The following IL1RAPL2 variants were observed in gnomAD, a reference collection of about 807,000 sequenced individuals.
IL1RAPL2 encodes the protein interleukin 1 receptor accessory protein like 2, also known as X-linked interleukin-1 receptor accessory protein-like 2.
A neutral mutation model predicts 44.1 loss-of-function variants in IL1RAPL2; 3 were observed. That is an observed-to-expected ratio of 0.07 (90% CI 0.03 to 0.18). The LOEUF (loss-of-function observed/expected upper bound fraction) is 0.18, where lower values mean the gene tolerates loss of function less well. IL1RAPL2 is among the 10% of genes least tolerant of loss of function. The pLI is 1.00. For missense variants in IL1RAPL2, 391 were observed against 496.4 expected (o/e 0.79, Z 2.02); for synonymous variants, 181 against 178.8 (o/e 1.01, Z -0.10).
intron 2 of IL1RAPL2, among the ~76,000 whole-genome samples, chrX:104,842,401 A>G (rs1921932444): frequency 9.0e-6 from 1 of 110,613 alleles, no homozygotes; most frequent in Non-Finnish European, 1.9e-5. Context: ...CAATTCGTCA[A>G]TCTCATTCTC....
At chrX:105,649,396 A>T (rs1329653442) in intron 6 of IL1RAPL2, among the ~76,000 whole-genome samples, 3 of 111,877 alleles carry the variant, frequency 2.7e-5, no homozygotes, top group African/African-American at 9.8e-5. Context: ...AGATTACATG[A>T]TGTTCGCTAT....
Position 105,353,210 on chromosome X carries a change from T to C in IL1RAPL2, c.697+85669T>C, listed in dbSNP as rs540287612. On this transcript the variant is annotated intron_variant, in intron 5 of 10. Transcript: ENST00000372582. ...GGAATCCTTTCCCCATTTCTTGTTT[T>C]TGTCAGGTTTGTCAAAGATCAGATA... Among the ~76,000 whole-genome samples the C allele has an allele frequency of 4.5e-3, 505 of 111,733 alleles. 2 individuals carry two copies. The highest frequency in any genetic ancestry group is 0.028 in the South Asian group (74 of 2,639).
At chrX:105,202,591 C>A (rs2147615694) in intron 3 of IL1RAPL2, among the ~76,000 whole-genome samples, 1 of 111,864 alleles carries the variant, frequency 8.9e-6, no homozygotes, top group African/African-American at 3.2e-5. Flanking sequence ...TTTTCTATAC[C>A]TTACCTCCAA....
At chrX:105,040,857 G>T (rs1391110224) in intron 2 of IL1RAPL2, among the ~76,000 whole-genome samples, 1 of 102,609 alleles carries the variant, frequency 9.7e-6, no homozygotes, top group Non-Finnish European at 2.0e-5. Context: ...TTTTTGAAGG[G>T]TTTTTTGTGT....
intron 5 of IL1RAPL2, among the ~76,000 whole-genome samples, chrX:105,430,812 A>G (rs1203843171): frequency 8.9e-6 from 1 of 111,896 alleles, no homozygotes; most frequent in Non-Finnish European, 1.9e-5. Flanking sequence ...GAATTGACCT[A>G]TAGTTTCTTT....
chrX:105,560,479 C>T (rs1409830613), intron 6 of IL1RAPL2, among the ~76,000 whole-genome samples: 1 of 110,849 alleles, frequency 9.0e-6, no homozygotes, highest in Non-Finnish European at 1.9e-5. Flanking sequence ...AGTGCAGTGG[C>T]GCAATCTTGG....
intron 7 of IL1RAPL2, among the ~76,000 whole-genome samples, chrX:105,725,341 C>G (rs1480018989): frequency 3.6e-5 from 4 of 111,722 alleles, no homozygotes; most frequent in African/African-American, 1.3e-4. Context: ...TACTAAAATG[C>G]AAATAATTTT....
At chrX:105,608,146 T>C (rs2037309456) in intron 6 of IL1RAPL2, among the ~76,000 whole-genome samples, 1 of 111,392 alleles carries the variant, frequency 9.0e-6, no homozygotes, top group Non-Finnish European at 1.9e-5. Flanking sequence ...ATTTAATTTA[T>C]ATTTGTATTA....
intron 9 of IL1RAPL2, among the ~76,000 whole-genome samples, chrX:105,751,292 A>C (rs2038595747): frequency 9.1e-6 from 1 of 110,414 alleles, no homozygotes; most frequent in South Asian, 3.9e-4. Flanking sequence ...AAAAAGAATA[A>C]AATAAATAAA....
At chrX:105,186,061 T>C (rs1277426676) in intron 2 of IL1RAPL2, among the ~76,000 whole-genome samples, 1 of 111,945 alleles carries the variant, frequency 8.9e-6, no homozygotes, top group African/African-American at 3.2e-5. Context: ...TAGAGATAAT[T>C]TAGAGTATGT....
At chrX:105,498,831 G>T (rs1220657519) in intron 6 of IL1RAPL2, among the ~76,000 whole-genome samples, 1 of 111,698 alleles carries the variant, frequency 9.0e-6, no homozygotes, top group Non-Finnish European at 1.9e-5. Context: ...CCGATCCCTG[G>T]GGCCACAGAA....
chrX:105,625,907 A>G (rs2147833051), intron 6 of IL1RAPL2, among the ~76,000 whole-genome samples: 1 of 112,068 alleles, frequency 8.9e-6, no homozygotes, highest in South Asian at 3.7e-4. Flanking sequence ...AATATTCTCC[A>G]CTGCATAATA....
At chrX:104,738,326 G>A (rs1932049909) in intron 2 of IL1RAPL2, among the ~76,000 whole-genome samples, 1 of 112,386 alleles carries the variant, frequency 8.9e-6, no homozygotes, top group South Asian at 3.6e-4. Context: ...ATGAACAGAT[G>A]TGTGATAAAG....
At chrX:105,161,882 C>T (rs1201940540) in intron 2 of IL1RAPL2, among the ~76,000 whole-genome samples, 2 of 111,859 alleles carry the variant, frequency 1.8e-5, no homozygotes, top group African/African-American at 6.5e-5. Flanking sequence ...GATACTTTTC[C>T]TCATGATGTG....
At chrX:105,358,926 G>A (rs1033992606) in intron 5 of IL1RAPL2, among the ~76,000 whole-genome samples, 5 of 111,614 alleles carry the variant, frequency 4.5e-5, no homozygotes, top group Admixed American at 9.5e-5. Flanking sequence ...AGTTGCCTAC[G>A]GCCTCAGCAG....
intron 2 of IL1RAPL2, among the ~76,000 whole-genome samples, chrX:104,714,264 A>G (rs1931513916): frequency 9.0e-6 from 1 of 110,971 alleles, no homozygotes; most frequent in South Asian, 3.8e-4. Flanking sequence ...TGTTATATAC[A>G]TGGCTCTCAT....
At chrX:104,639,755 T>C (rs1929897496) in intron 1 of IL1RAPL2, among the ~76,000 whole-genome samples, 1 of 111,875 alleles carries the variant, frequency 8.9e-6, no homozygotes, top group Non-Finnish European at 1.9e-5. Context: ...TTCTCCTTCA[T>C]TTATGAAGGA....
At position 104,800,949 on chromosome X, in the gene IL1RAPL2, G is replaced by C. The variant is rs144083897; in HGVS notation, c.82+141954G>C. On this transcript the variant is annotated intron_variant, in intron 2 of 10. Coordinates refer to ENST00000372582, the MANE Select transcript of IL1RAPL2 (RefSeq NM_017416.2). The stretch of plus-strand genomic sequence containing the variant: ...GTCAGGGAAGAGCAGGGGCAATAAT[G>C]CCAAGATGTCCAGGGAATCTACCAA... Among the ~76,000 whole-genome samples the C allele has an allele frequency of 1.7e-4, 19 of 112,690 alleles. No individual in the cohort carries two copies. In the East Asian group the frequency reaches 4.8e-3, roughly 28 times the overall value.
Position 105,392,908 on chromosome X carries a change from C to T in IL1RAPL2, c.698-91405C>T, listed in dbSNP as rs753035480. ...TCTTAGTAAATGTCTGTTGGCTCTA[C>T]TCTTTAAGTCTATGATTCTTTTTTG... On this transcript the variant is annotated intron_variant, in intron 5 of 10. Coordinates refer to ENST00000372582, the MANE Select transcript of IL1RAPL2 (RefSeq NM_017416.2). 8.9e-5 allele frequency among the ~76,000 whole-genome samples: 10 copies of T among 112,290 alleles called. No homozygotes were observed. The South Asian group carries it at 3.7e-3, about 42-fold the overall frequency.
Sources: allele counts gnomAD v4.1 joint callset (sites outside exome capture counted in the v4.1 genomes callset), GRCh38; gene constraint gnomAD v4.1.1; transcripts MANE v1.5; gene names NCBI Gene and HGNC (gene_info 2026-07-23, HGNC 2026-07-21).